The following HEMK2 variants were observed in gnomAD, a reference collection of about 807,000 sequenced individuals.
HEMK2 encodes the protein methyltransferase HEMK2.
At chr21:28,705,334 CTTTT>C in the HEMK2 span, among the ~76,000 whole-genome samples, 2 of 97,852 alleles carry the variant, frequency 2.0e-5, no homozygotes, top group Admixed American at 2.0e-4. Context: ...TACTACTTTT[CTTTT>C]CTTTATCTAC....
At chr21:28,753,367 A>G in the HEMK2 span, among the ~76,000 whole-genome samples, 1 of 151,946 alleles carries the variant, frequency 6.6e-6, no homozygotes, top group Non-Finnish European at 1.5e-5. Context: ...AAAAAAAAAA[A>G]AAAAAAAGTA....
At chr21:28,774,556 C>T in the HEMK2 span, among the ~76,000 whole-genome samples, 1 of 152,000 alleles carries the variant, frequency 6.6e-6, no homozygotes, top group Non-Finnish European at 1.5e-5. Flanking sequence ...CCACTGTACT[C>T]CAGCCTGGGT....
the HEMK2 span, among the ~76,000 whole-genome samples, chr21:28,790,253 C>A: frequency 0.21 from 31,518 of 152,018 alleles, 5,401 homozygotes; most frequent in African/African-American, 0.46. Flanking sequence ...TAAACACCTG[C>A]AATAAACTAG....
chr21:28,883,165 C>G, the HEMK2 span: 1 of 745,514 alleles, frequency 1.3e-6, no homozygotes, highest in African/African-American at 1.8e-5. Flanking sequence ...ATATATATTT[C>G]TCTAGCATCA....
the HEMK2 span, among the ~76,000 whole-genome samples, chr21:28,730,418 A>ACACACACACACACACACAATTTAT: frequency 6.3e-3 from 899 of 142,242 alleles, 9 homozygotes; most frequent in African/African-American, 0.022. Context: ...ACACACACAC[A>ACACACACACACACACACAATTTAT]TTTCTCACAA....
the HEMK2 span, among the ~76,000 whole-genome samples, chr21:28,679,899 C>T: frequency 6.6e-6 from 1 of 151,982 alleles, no homozygotes; most frequent in South Asian, 2.1e-4. Flanking sequence ...ACATTCAAAG[C>T]AGTGTGTAGA....
the HEMK2 span, among the ~76,000 whole-genome samples, chr21:28,651,654 T>C: frequency 5.8e-4 from 89 of 152,330 alleles, no homozygotes; most frequent in African/African-American, 2.0e-3. Flanking sequence ...TAGAGCATTA[T>C]CACGAAGGTC....
chr21:28,588,962 A>G, the HEMK2 span, among the ~76,000 whole-genome samples: 11 of 149,346 alleles, frequency 7.4e-5, no homozygotes, highest in Admixed American at 2.0e-4. Flanking sequence ...CAGCCTGGGC[A>G]ACAGAGAGAG....
At chr21:28,673,020 AAG>A in the HEMK2 span, among the ~76,000 whole-genome samples, 1 of 149,662 alleles carries the variant, frequency 6.7e-6, no homozygotes, top group South Asian at 2.2e-4. Flanking sequence ...GAAAGAAAGA[AAG>A]AAAGAGAAAG....
chr21:28,658,881 A>G, the HEMK2 span, among the ~76,000 whole-genome samples: 4 of 152,020 alleles, frequency 2.6e-5, no homozygotes, highest in African/African-American at 9.7e-5. Context: ...CTGGTCACTT[A>G]TTTTACCTGC....
chr21:28,755,381 C>T, the HEMK2 span, among the ~76,000 whole-genome samples: 3 of 152,286 alleles, frequency 2.0e-5, no homozygotes, highest in Non-Finnish European at 4.4e-5. Flanking sequence ...AGGCACGCCA[C>T]CTTATAGCAA....
At chr21:28,851,552 T>C in the HEMK2 span, among the ~76,000 whole-genome samples, 5 of 152,166 alleles carry the variant, frequency 3.3e-5, no homozygotes, top group Admixed American at 1.3e-4. Context: ...AGAAGGAATA[T>C]CTCGACAGGC....
At chr21:28,609,587 CAGA>C in the HEMK2 span, among the ~76,000 whole-genome samples, 25 of 109,110 alleles carry the variant, frequency 2.3e-4, no homozygotes, top group African/African-American at 8.5e-4. Flanking sequence ...AAAAAAACAA[CAGA>C]AGGTTGACTA....
At chr21:28,801,788 C>T in the HEMK2 span, among the ~76,000 whole-genome samples, 1 of 152,048 alleles carries the variant, frequency 6.6e-6, no homozygotes. Context: ...AGCTATGAAA[C>T]ATACGAGAGA....
At chr21:28,623,807 G>A in the HEMK2 span, among the ~76,000 whole-genome samples, 1 of 152,228 alleles carries the variant, frequency 6.6e-6, no homozygotes, top group African/African-American at 2.4e-5. Flanking sequence ...CACAGGGAGG[G>A]GAACATCACA....
the HEMK2 span, among the ~76,000 whole-genome samples, chr21:28,611,427 A>G: frequency 3.3e-5 from 5 of 152,186 alleles, no homozygotes; most frequent in African/African-American, 1.2e-4. Flanking sequence ...ACAGAAATAC[A>G]AAAGATCATT....
At chr21:28,749,390 C>T in the HEMK2 span, among the ~76,000 whole-genome samples, 2 of 151,918 alleles carry the variant, frequency 1.3e-5, no homozygotes, top group African/African-American at 4.8e-5. Context: ...TATTATTATC[C>T]CATTTTTAGA....
the HEMK2 span, among the ~76,000 whole-genome samples, chr21:28,776,667 AC>A: frequency 6.6e-6 from 1 of 152,218 alleles, no homozygotes; most frequent in East Asian, 1.9e-4. Flanking sequence ...AGGGAAGCCG[AC>A]AGTGCAGCCT....
chr21:28,702,571 C>T, the HEMK2 span, among the ~76,000 whole-genome samples: 23 of 152,154 alleles, frequency 1.5e-4, no homozygotes. Flanking sequence ...TTCAGTGTCT[C>T]TAATCATTAG....
Sources: gnomAD v4.1 joint callset for allele counts (sites outside exome capture counted in the v4.1 genomes callset) on GRCh38, gnomAD v4.1.1 for gene constraint, MANE v1.5 for transcripts, NCBI Gene and HGNC (gene_info 2026-07-23, HGNC 2026-07-21) for gene names.